BOLA3: variants seen among roughly 807,000 people sequenced by gnomAD.
The protein encoded by BOLA3 is bolA-like protein 3.
In BOLA3, 8 loss-of-function variants were observed where a neutral mutation model predicts 14.5. The observed-to-expected ratio is 0.55, with a 90% CI of 0.32 to 0.99. The LOEUF is 0.99. Among genes scored for constraint, BOLA3 ranks in the 50% least tolerant of loss-of-function variants. The pLI is 0.04. For synonymous variants in BOLA3, 42 were observed against 45.7 expected, an observed-to-expected ratio of 0.92 and a Z score of 0.33; for missense variants, 115 against 138.2, an observed-to-expected ratio of 0.83 and a Z score of 0.84.
intron 3 of BOLA3, among the ~76,000 whole-genome samples, chr2:74,141,330 G>T (rs745426449): frequency 7.1e-6 from 1 of 141,572 alleles, no homozygotes; most frequent in African/African-American, 2.5e-5. Context: ...AGAGATGTCC[G>T]TTTTCAGGAC....
chr2:74,141,929 CA>C (rs1260037064), intron 3 of BOLA3, among the ~76,000 whole-genome samples: 4 of 151,780 alleles, frequency 2.6e-5, no homozygotes, highest in Non-Finnish European at 5.9e-5. Context: ...AAAGAGAGGC[CA>C]AAAAACCCCT....
chr2:74,142,169 A>G lies in BOLA3; in HGVS notation c.258+103T>C, dbSNP rs540745351. The G allele has an allele frequency of 3.0e-3, 2,569 of 852,960 alleles. 12 individuals are homozygous for G. Among genetic ancestry groups the G allele is most frequent in the Middle Eastern group, 8.7e-3 (26 of 2,978 alleles). The allele number at this position is 852,960 out of a possible 1,614,324, so 52.8% of individuals were successfully genotyped here. The stretch of plus-strand genomic sequence containing the variant: ...TCCTGTTTCGTGATTGCAGTACTGC[A>G]TTATTCTCTCCTGCAACTGACGGCA... On this transcript the variant is annotated intron_variant, in intron 3 of 3. Transcript: ENST00000327428.
At chr2:74,139,045 T>C (rs770449814) in intron 3 of BOLA3, among the ~76,000 whole-genome samples, 1 of 152,044 alleles carries the variant, frequency 6.6e-6, no homozygotes, top group Non-Finnish European at 1.5e-5. Context: ...GCCCAGTAAG[T>C]ATTTCCCAAG....
intron 3 of BOLA3, among the ~76,000 whole-genome samples, chr2:74,140,280 T>G (rs1166461358): frequency 2.0e-5 from 3 of 151,970 alleles, no homozygotes; most frequent in African/African-American, 7.3e-5. Context: ...TGATACTCTG[T>G]GGGAGGGAAA....
rs146790222 is a variant in BOLA3, at chr2:74,139,887, G to A, written c.258+2385C>T. Among the ~76,000 whole-genome samples the A allele has an allele frequency of 9.3e-4, 141 of 152,312 alleles. 4 individuals carry two copies. In the East Asian group the frequency reaches 0.026, roughly 28 times the overall value. On this transcript the variant is annotated intron_variant, in intron 3 of 3. Coordinates refer to ENST00000327428, the MANE Select transcript of BOLA3 (RefSeq NM_212552.3). ...GCTCTGGGCACAGTGGCTCACGCCTGTAATCCCAACACTTAGGGAGGCCGA... is the reference window on the plus strand; with the variant it reads ...GCTCTGGGCACAGTGGCTCACGCCTATAATCCCAACACTTAGGGAGGCCGA...
chr2:74,138,569 C>T (rs927505592), intron 3 of BOLA3, among the ~76,000 whole-genome samples: 1 of 152,184 alleles, frequency 6.6e-6, no homozygotes, highest in Non-Finnish European at 1.5e-5. Flanking sequence ...GGGAAGCTCC[C>T]GTGATTCACT....
chr2:74,145,586 T>G (rs1375895349), intron 1 of BOLA3: 1 of 473,748 alleles, frequency 2.1e-6, no homozygotes, highest in East Asian at 4.1e-5. Context: ...GATGTTTGCT[T>G]CCATATAATG....
chr2:74,138,719 G>A (rs539958456), intron 3 of BOLA3, among the ~76,000 whole-genome samples: 14 of 152,320 alleles, frequency 9.2e-5, no homozygotes, highest in African/African-American at 3.4e-4. Flanking sequence ...TGGTGGAGGC[G>A]CCTTAGGGGA....
intron 3 of BOLA3, among the ~76,000 whole-genome samples, chr2:74,137,719 C>A (rs1692360430): frequency 6.6e-6 from 1 of 152,154 alleles, no homozygotes; most frequent in Non-Finnish European, 1.5e-5. Context: ...TTGCCCTGAT[C>A]CGGGAGCTCC....
intron 3 of BOLA3, among the ~76,000 whole-genome samples, chr2:74,141,342 C>T (rs141237444): frequency 5.7e-5 from 8 of 139,782 alleles, no homozygotes; most frequent in African/African-American, 2.1e-4. Context: ...TTTCAGGACA[C>T]AAGACGGAAA....
intron 3 of BOLA3, among the ~76,000 whole-genome samples, chr2:74,139,154 C>T (rs566634675): frequency 1.3e-5 from 2 of 152,250 alleles, no homozygotes; most frequent in South Asian, 4.1e-4. Context: ...GGGGGCGCCC[C>T]CTCCAGGGAA....
At chr2:74,146,280 A>G (rs756090791) in intron 1 of BOLA3, 5 of 152,290 alleles carry the variant, frequency 3.3e-5, no homozygotes, top group Non-Finnish European at 5.9e-5. Flanking sequence ...GGCATGAGCC[A>G]CCACGCCCGG....
chr2:74,136,021 C>CT (rs374485525), intron 3 of BOLA3, among the ~76,000 whole-genome samples: 27 of 150,122 alleles, frequency 1.8e-4, no homozygotes, highest in African/African-American at 6.4e-4. Context: ...GCGATATCGG[C>CT]TTACTGCAAA....
intron 3 of BOLA3, among the ~76,000 whole-genome samples, chr2:74,141,377 C>T (rs1479711073): frequency 2.7e-5 from 3 of 111,512 alleles, no homozygotes; most frequent in Middle Eastern, 4.1e-3. Context: ...AAAAGGGGGC[C>T]GGGGAGGGTG....
intron 3 of BOLA3, among the ~76,000 whole-genome samples, chr2:74,139,212 G>A (rs995432075): frequency 2.5e-4 from 38 of 152,284 alleles, no homozygotes; most frequent in Admixed American, 1.0e-3. Flanking sequence ...TGCCAGTATC[G>A]GATGGGTTGG....
intron 2 of BOLA3, among the ~76,000 whole-genome samples, chr2:74,144,307 C>T (rs1251696524): frequency 6.6e-6 from 1 of 152,198 alleles, no homozygotes; most frequent in African/African-American, 2.4e-5. Context: ...GCTCCAAAAC[C>T]CCAGCAGATC....
At chr2:74,137,755 C>T (rs1165632411) in intron 3 of BOLA3, among the ~76,000 whole-genome samples, 2 of 152,164 alleles carry the variant, frequency 1.3e-5, no homozygotes, top group African/African-American at 2.4e-5. Flanking sequence ...CAATGAGCTG[C>T]CCCACTTGGC....
intron 3 of BOLA3, among the ~76,000 whole-genome samples, chr2:74,138,962 G>A (rs528150060): frequency 6.6e-6 from 1 of 152,356 alleles, no homozygotes; most frequent in South Asian, 2.1e-4. Flanking sequence ...GATGGCAGGA[G>A]GACAGGTAGG....
intron 3 of BOLA3, among the ~76,000 whole-genome samples, chr2:74,139,400 C>T (rs1692395437): frequency 6.6e-6 from 1 of 151,742 alleles, no homozygotes; most frequent in Non-Finnish European, 1.5e-5. Context: ...CTACCCCACC[C>T]CCACCTCACT....
Sources: allele counts gnomAD v4.1 joint callset (sites outside exome capture counted in the v4.1 genomes callset), GRCh38; gene constraint gnomAD v4.1.1; transcripts MANE v1.5; gene names NCBI Gene and HGNC (gene_info 2026-07-23, HGNC 2026-07-21).